Variants in WWOX observed in about 807,000 individuals in gnomAD.
The protein encoded by WWOX is WW domain-containing oxidoreductase.
Under a neutral mutation model 46.2 loss-of-function variants are expected in WWOX, and 69 were observed. That is an observed-to-expected ratio of 1.49 (90% CI 1.23 to 1.82). The LOEUF (loss-of-function observed/expected upper bound fraction) is 1.82, where lower values mean the gene tolerates loss of function less well. Among genes scored for constraint, WWOX ranks in the 40% most tolerant of loss-of-function variants. WWOX has a pLI of 0.00. For synonymous variants in WWOX, 359 were observed against 202.6 expected (o/e 1.77, Z -6.56); for missense variants, 919 against 542.6 (o/e 1.69, Z -6.89).
chr16:78,745,507 G>A (rs1200035526), intron 8 of WWOX, among the ~76,000 whole-genome samples: 1 of 150,934 alleles, frequency 6.6e-6, no homozygotes, highest in Non-Finnish European at 1.5e-5. Context: ...CCATAGAGAG[G>A]GGTTTGTGGA....
At chr16:78,378,454 G>A (rs963373089) in intron 5 of WWOX, among the ~76,000 whole-genome samples, 1 of 152,170 alleles carries the variant, frequency 6.6e-6, no homozygotes, top group African/African-American at 2.4e-5. Flanking sequence ...GCATTTTCCA[G>A]TGAAGATGCG....
chr16:78,387,476 A>G (rs1286226011), intron 6 of WWOX, among the ~76,000 whole-genome samples: 1 of 152,112 alleles, frequency 6.6e-6, no homozygotes, highest in South Asian at 2.1e-4. Flanking sequence ...CAGTCTTTCA[A>G]AATTCCAGTT....
Position 78,438,649 on chromosome 16 carries a change from G to A in WWOX, c.1056+5897G>A, listed in dbSNP as rs561111583. On this transcript the variant is annotated intron_variant, in intron 8 of 8. Coordinates refer to ENST00000566780, the MANE Select transcript of WWOX (RefSeq NM_016373.4). The stretch of plus-strand genomic sequence containing the variant: ...CAGTAGAAAGAATATCATGTGTTAG[G>A]GTAGCAAGAGCTTAGCAGATGTTTT... 7.9e-5 allele frequency among the ~76,000 whole-genome samples: 12 copies of A among 152,168 alleles called. No homozygotes were observed. In the South Asian group the frequency reaches 2.5e-3, roughly 32 times the overall value.
chr16:78,280,676 G>A (rs1308848433), intron 5 of WWOX, among the ~76,000 whole-genome samples: 1 of 151,928 alleles, frequency 6.6e-6, no homozygotes, highest in Non-Finnish European at 1.5e-5. Flanking sequence ...GGTGGGAGGT[G>A]CCCCACTTTT....
chr16:78,299,798 G>T (rs144510134), intron 5 of WWOX, among the ~76,000 whole-genome samples: 1 of 152,068 alleles, frequency 6.6e-6, no homozygotes, highest in Non-Finnish European at 1.5e-5. Context: ...CAAAGTGCTG[G>T]GATTACAGGT....
At chr16:79,089,850 C>T (rs2048921850) in intron 8 of WWOX, among the ~76,000 whole-genome samples, 1 of 151,648 alleles carries the variant, frequency 6.6e-6, no homozygotes, top group Admixed American at 6.6e-5. Flanking sequence ...TTCATTGGCC[C>T]CTGTTGTCAT....
At chr16:78,863,995 C>G (rs1452513355) in intron 8 of WWOX, among the ~76,000 whole-genome samples, 1 of 152,148 alleles carries the variant, frequency 6.6e-6, no homozygotes, top group African/African-American at 2.4e-5. Flanking sequence ...CTCCTTTCAT[C>G]TGTTGATGGG....
intron 8 of WWOX, among the ~76,000 whole-genome samples, chr16:78,705,666 CTGTT>C (rs2048313755): frequency 1.3e-5 from 2 of 152,148 alleles, no homozygotes; most frequent in Admixed American, 6.5e-5. Flanking sequence ...CCATGTAAAA[CTGTT>C]TATTTAGTTA....
At chr16:78,908,933 C>T (rs2045037783) in intron 8 of WWOX, among the ~76,000 whole-genome samples, 1 of 152,214 alleles carries the variant, frequency 6.6e-6, no homozygotes, top group Non-Finnish European at 1.5e-5. Flanking sequence ...AGCATGACTC[C>T]TAAACCCTAA....
chr16:78,272,322 A>G (rs6564520), intron 5 of WWOX, among the ~76,000 whole-genome samples: 98,828 of 151,844 alleles, frequency 0.65, 33,398 homozygotes, highest in East Asian at 0.85. Flanking sequence ...AGGGACTCTT[A>G]CCCAGAGCCC....
At chr16:78,358,203 C>G (rs1567522226) in intron 5 of WWOX, among the ~76,000 whole-genome samples, 1 of 152,060 alleles carries the variant, frequency 6.6e-6, no homozygotes, top group African/African-American at 2.4e-5. Flanking sequence ...CGAAAGATAA[C>G]CTCTTGTATT....
At chr16:78,670,401 A>C (rs1479983193) in intron 8 of WWOX, among the ~76,000 whole-genome samples, 1 of 152,232 alleles carries the variant, frequency 6.6e-6, no homozygotes, top group African/African-American at 2.4e-5. Context: ...TGAGCATTGC[A>C]GTGCCACATG....
At chr16:78,683,476 G>T (rs894781696) in intron 8 of WWOX, among the ~76,000 whole-genome samples, 22 of 151,768 alleles carry the variant, frequency 1.4e-4, no homozygotes, top group Non-Finnish European at 2.8e-4. Flanking sequence ...GGAGGTGGAG[G>T]TTGCAGTGAG....
chr16:78,798,591 G>GTTTT (rs34236291), intron 8 of WWOX, among the ~76,000 whole-genome samples: 8 of 98,298 alleles, frequency 8.1e-5, no homozygotes, highest in African/African-American at 2.3e-4. Context: ...TTGTTGTTGG[G>GTTTT]TTTTTTTTTT....
chr16:78,250,304 G>A (rs953062105), intron 5 of WWOX, among the ~76,000 whole-genome samples: 2 of 152,208 alleles, frequency 1.3e-5, no homozygotes, highest in Non-Finnish European at 2.9e-5. Flanking sequence ...GATGGCCGGG[G>A]TTTGATTCTT....
chr16:78,815,429 C>G (rs1169633315), intron 8 of WWOX, among the ~76,000 whole-genome samples: 1 of 152,164 alleles, frequency 6.6e-6, no homozygotes, highest in Non-Finnish European at 1.5e-5. Context: ...CTTGCTGTTT[C>G]CTTAAACCCT....
intron 8 of WWOX, among the ~76,000 whole-genome samples, chr16:78,650,652 T>C (rs1196732238): frequency 6.6e-6 from 1 of 152,216 alleles, no homozygotes; most frequent in Admixed American, 6.5e-5. Flanking sequence ...ATGGAGGTGT[T>C]CTCAGGAAAC....
intron 8 of WWOX, among the ~76,000 whole-genome samples, chr16:78,793,005 A>G (rs1333987289): frequency 6.6e-6 from 1 of 152,202 alleles, no homozygotes; most frequent in East Asian, 1.9e-4. Flanking sequence ...TAAGTCCCTT[A>G]AGATGCGGAA....
chr16:78,452,475 CTTTTTT>C (rs397945707), intron 8 of WWOX, among the ~76,000 whole-genome samples: 29 of 126,074 alleles, frequency 2.3e-4, no homozygotes, highest in African/African-American at 8.7e-4. Context: ...CTCTCTCTCT[CTTTTTT>C]TTTTTTTTTT....
Sources: allele counts gnomAD v4.1 joint callset (sites outside exome capture counted in the v4.1 genomes callset), GRCh38; gene constraint gnomAD v4.1.1; transcripts MANE v1.5; gene names NCBI Gene and HGNC (gene_info 2026-07-23, HGNC 2026-07-21).